LRRIQ3: variants seen among roughly 807,000 people sequenced by gnomAD.
LRRIQ3 encodes leucine rich repeats and IQ motif containing 3.
A neutral mutation model predicts 59.3 loss-of-function variants in LRRIQ3; 75 were observed. The ratio of observed to expected loss-of-function variants is 1.26; its 90% CI spans 1.05 to 1.53. The LOEUF (loss-of-function observed/expected upper bound fraction) is 1.53, where lower values mean the gene tolerates loss of function less well. Ranked by LOEUF, LRRIQ3 falls within the 40% of genes most tolerant of loss-of-function variation. The pLI, the probability that LRRIQ3 is intolerant of heterozygous loss-of-function variation, is 0.00. For missense variants in LRRIQ3, 831 were observed against 710.0 expected (o/e 1.17, Z -1.94); for synonymous variants, 250 against 231.3 (o/e 1.08, Z -0.73).
At chr1:74,175,782 A>G (rs1649601627) in intron 3 of LRRIQ3, among the ~76,000 whole-genome samples, 1 of 152,100 alleles carries the variant, frequency 6.6e-6, no homozygotes, top group Non-Finnish European at 1.5e-5. Flanking sequence ...TTGTTTTTGT[A>G]TATCTCTTTG....
At chr1:74,049,914 GTCTTTTTTT>G (rs1482540950) in intron 6 of LRRIQ3, among the ~76,000 whole-genome samples, 1 of 38,292 alleles carries the variant, frequency 2.6e-5, no homozygotes, top group African/African-American at 4.8e-5. Flanking sequence ...ACACCTTTGT[GTCTTTTTTT>G]TCTTTTTTTT....
intron 3 of LRRIQ3, chr1:74,180,850 T>C: frequency 6.6e-7 from 1 of 1,504,894 alleles, no homozygotes; most frequent in South Asian, 1.2e-5. Context: ...GCCTTCCCCA[T>C]CCACCCTAGC....
At chr1:74,139,472 T>C (rs548336063) in intron 4 of LRRIQ3, among the ~76,000 whole-genome samples, 1 of 152,042 alleles carries the variant, frequency 6.6e-6, no homozygotes, top group East Asian at 1.9e-4. Flanking sequence ...TCCTCTGTAT[T>C]GTACCCATAA....
chr1:74,084,063 T>A (rs1175259811), intron 5 of LRRIQ3: 1 of 943,280 alleles, frequency 1.1e-6, no homozygotes, highest in African/African-American at 1.7e-5. Context: ...ACTTATCTTG[T>A]GTGTACAGCT....
intron 3 of LRRIQ3, among the ~76,000 whole-genome samples, chr1:74,169,672 C>T (rs1197552734): frequency 1.3e-5 from 2 of 152,042 alleles, no homozygotes; most frequent in Non-Finnish European, 2.9e-5. Context: ...TCACCTTAGC[C>T]TCCCAAATAG....
At chr1:74,091,296 A>G (rs1294728805) in intron 5 of LRRIQ3, among the ~76,000 whole-genome samples, 1 of 152,154 alleles carries the variant, frequency 6.6e-6, no homozygotes, top group East Asian at 1.9e-4. Context: ...TTCAGTTTCT[A>G]GTGGTAGAAA....
intron 5 of LRRIQ3, among the ~76,000 whole-genome samples, chr1:74,077,237 G>T (rs572738187): frequency 8.0e-4 from 98 of 123,180 alleles, no homozygotes; most frequent in African/African-American, 2.5e-3. Flanking sequence ...TAAGAATTTT[G>T]CTCTATTTGG....
At chr1:74,122,317 T>G (rs1414909080) in intron 4 of LRRIQ3, among the ~76,000 whole-genome samples, 1 of 152,180 alleles carries the variant, frequency 6.6e-6, no homozygotes, top group Non-Finnish European at 1.5e-5. Flanking sequence ...TGATTCACAT[T>G]TCTCTGATGG....
chr1:74,041,018 T>C (rs561074812), intron 7 of LRRIQ3, among the ~76,000 whole-genome samples, 195 bp downstream of exon 7: 2 of 151,804 alleles, frequency 1.3e-5, no homozygotes, highest in South Asian at 2.1e-4. Context: ...GGTGGAGAGA[T>C]GGGGAAAGAC....
chr1:74,167,543 G>A (rs1380331229), intron 3 of LRRIQ3, among the ~76,000 whole-genome samples: 1 of 151,266 alleles, frequency 6.6e-6, no homozygotes, highest in African/African-American at 2.4e-5. Flanking sequence ...TAAAAAATAC[G>A]ACACTCTAAA....
At chr1:74,054,603 G>T (rs1265324832) in intron 6 of LRRIQ3, among the ~76,000 whole-genome samples, 2 of 151,750 alleles carry the variant, frequency 1.3e-5, no homozygotes, top group Admixed American at 6.6e-5. Context: ...ATGTGGTGTG[G>T]GATGTGGATA....
chr1:74,082,223 G>A (rs1313672808), intron 5 of LRRIQ3: 1 of 151,458 alleles, frequency 6.6e-6, no homozygotes. Flanking sequence ...AAAAGGCATT[G>A]AAAGTGAGAA....
Position 74,183,656 on chromosome 1 carries a change from A to G in LRRIQ3, c.29T>C (p.Leu10Pro), listed in dbSNP as rs1382823179. 6.2e-7 allele frequency: 1 copy of G among 1,604,974 alleles called. No individual in the cohort carries two copies. The highest frequency in any genetic ancestry group is 1.7e-5 in the Admixed American group (1 of 58,648). The change falls in exon 2 of 8, where the codon CTA becomes CCA. Residue 10 changes from leucine to proline, a missense_variant. Leu to Pro is a moderately conservative substitution (Grantham distance 98). Coordinates refer to ENST00000354431, the MANE Select transcript of LRRIQ3 (RefSeq NM_001105659.2). Reference protein sequence around the residue: MFHGTVTEELTSHEEWSHYN... With the variant: MFHGTVTEEPTSHEEWSHYN... ...GTGACTCCATTCTTCATGACTGGTTAGCTCTTCTGTGACTGTTCCATGAAA... is the reference window on the plus strand; with the variant it reads ...GTGACTCCATTCTTCATGACTGGTTGGCTCTTCTGTGACTGTTCCATGAAA...
intron 3 of LRRIQ3, among the ~76,000 whole-genome samples, chr1:74,173,369 ATAAT>A (rs1439600058): frequency 1.3e-5 from 2 of 151,428 alleles, no homozygotes; most frequent in Non-Finnish European, 2.9e-5. Flanking sequence ...TACACTTAAA[ATAAT>A]TATTAATAGT....
At chr1:74,192,441 G>A (rs559329878) in intron 1 of LRRIQ3, among the ~76,000 whole-genome samples, 3 of 151,988 alleles carry the variant, frequency 2.0e-5, no homozygotes, top group South Asian at 2.1e-4. Flanking sequence ...AATCTTATCC[G>A]AAATATGTGT....
intron 5 of LRRIQ3, among the ~76,000 whole-genome samples, chr1:74,097,734 G>C (rs918490068): frequency 6.6e-6 from 1 of 152,186 alleles, no homozygotes; most frequent in African/African-American, 2.4e-5. Context: ...AGCCAGAAGA[G>C]AGTAGGGGCC....
At chr1:74,128,149 T>C (rs1267579477) in intron 4 of LRRIQ3, among the ~76,000 whole-genome samples, 1 of 152,046 alleles carries the variant, frequency 6.6e-6, no homozygotes, top group Non-Finnish European at 1.5e-5. Context: ...GGAATTTTTC[T>C]TTATCTTTGA....
intron 5 of LRRIQ3, among the ~76,000 whole-genome samples, chr1:74,096,884 T>C (rs1646456069): frequency 6.6e-6 from 1 of 152,124 alleles, no homozygotes. Flanking sequence ...ACAGCAAATG[T>C]TGCTGCCTGA....
chr1:74,027,902 A>G (rs1409724348), intron 7 of LRRIQ3, among the ~76,000 whole-genome samples: 1 of 152,090 alleles, frequency 6.6e-6, no homozygotes, highest in Non-Finnish European at 1.5e-5. Context: ...AACAAGTCAG[A>G]GTGAGGAAAA....
Sources: gnomAD v4.1 joint callset for allele counts (sites outside exome capture counted in the v4.1 genomes callset) on GRCh38, gnomAD v4.1.1 for gene constraint, MANE v1.5 for transcripts, NCBI Gene and HGNC (gene_info 2026-07-23, HGNC 2026-07-21) for gene names.